Variants in AFF3 observed in about 807,000 individuals in gnomAD.
AFF3 encodes AF4/FMR2 family member 3.
In AFF3, 32 loss-of-function variants were observed where a neutral mutation model predicts 129.7. The ratio of observed to expected loss-of-function variants is 0.25; its 90% CI spans 0.19 to 0.33. AFF3 has a LOEUF of 0.33. AFF3 is among the 10% of genes least tolerant of loss of function. The probability of loss-of-function intolerance (pLI) is 1.00; values close to 1 mark genes in which losing one functional copy is unlikely to be tolerated. For missense variants in AFF3, 1,373 were observed against 1,592.0 expected (o/e 0.86, Z 2.34); for synonymous variants, 644 against 635.4 (o/e 1.01, Z -0.20).
intron 1 of AFF3, among the ~76,000 whole-genome samples, chr2:100,141,074 T>C (rs1046940016): frequency 5.9e-5 from 9 of 152,226 alleles, no homozygotes; most frequent in African/African-American, 2.2e-4. Context: ...ACTTTACATG[T>C]ATTAGCTTAT....
At chr2:99,882,363 A>C (rs367619512) in intron 7 of AFF3, among the ~76,000 whole-genome samples, 41 of 152,330 alleles carry the variant, frequency 2.7e-4, no homozygotes, top group African/African-American at 9.9e-4. Flanking sequence ...TTATGAGGTC[A>C]AATGTTGCAG....
Position 100,093,072 on chromosome 2 carries a change from G to A in AFF3, c.53+11330C>T, listed in dbSNP as rs535520929. Among the ~76,000 whole-genome samples, 9 of 152,334 alleles carry A rather than the reference G, an allele frequency of 5.9e-5. No homozygotes were observed. In the East Asian group the frequency reaches 7.7e-4, roughly 13 times the overall value. ...GCCCTCTATACTGTAGACGGATTGC[G>A]TTACATTATTATATATTTTAGGGCT... On this transcript the variant is annotated intron_variant, in intron 4 of 24. Transcript: ENST00000672756.
intron 10 of AFF3, among the ~76,000 whole-genome samples, chr2:99,729,594 G>T (rs72817071): frequency 0.016 from 2,461 of 152,192 alleles, 33 homozygotes; most frequent in Non-Finnish European, 0.024. Context: ...GAAATTTTAG[G>T]TGATGAAATT....
At chr2:99,921,780 C>T (rs376199820) in intron 7 of AFF3, among the ~76,000 whole-genome samples, 33 of 152,066 alleles carry the variant, frequency 2.2e-4, no homozygotes, top group East Asian at 2.1e-3. Context: ...AAGTAAGCCA[C>T]GAAATGAGAG....
At chr2:99,698,544 C>G (rs1317442074) in intron 11 of AFF3, among the ~76,000 whole-genome samples, 2 of 152,206 alleles carry the variant, frequency 1.3e-5, no homozygotes, top group East Asian at 1.9e-4. Flanking sequence ...GATATTGAGA[C>G]AGTGGAACAC....
In AFF3 at chr2:99,910,001, T is replaced by C. The variant is rs528416880; in HGVS notation, c.874-72477A>G. Among the ~76,000 whole-genome samples, 6 of 152,162 alleles carry C rather than the reference T, an allele frequency of 3.9e-5. No homozygotes were observed. The East Asian group carries it at 1.2e-3, about 29-fold the overall frequency. ...TTTGGAGATAGGGTCTTTACAGAGG[T>C]AATAAAGTTAAAAAGAGCTAAAAAT... is the stretch of plus-strand genomic sequence containing the variant. On this transcript the variant is annotated intron_variant, in intron 7 of 24. Transcript: ENST00000672756.
intron 7 of AFF3, among the ~76,000 whole-genome samples, chr2:99,899,812 T>C (rs1005302781): frequency 6.6e-6 from 1 of 152,164 alleles, no homozygotes; most frequent in Non-Finnish European, 1.5e-5. Context: ...GCAAAGGAAA[T>C]AACATTTGTT....
chr2:99,734,053 T>C (rs1007226936), intron 10 of AFF3, among the ~76,000 whole-genome samples: 2 of 152,218 alleles, frequency 1.3e-5, no homozygotes, highest in African/African-American at 4.8e-5. Flanking sequence ...TTCCAATTCA[T>C]GTACTTGGTA....
At chr2:100,058,391 G>C (rs1459385512) in intron 4 of AFF3, among the ~76,000 whole-genome samples, 1 of 151,630 alleles carries the variant, frequency 6.6e-6, no homozygotes, top group Non-Finnish European at 1.5e-5. Context: ...AAAATAAAAG[G>C]ACATCATGAA....
chr2:99,910,507 A>T (rs1301818406), intron 7 of AFF3, among the ~76,000 whole-genome samples: 1 of 152,222 alleles, frequency 6.6e-6, no homozygotes, highest in Non-Finnish European at 1.5e-5. Flanking sequence ...AAACTTCTAG[A>T]TGAAAACTGC....
At chr2:99,565,367 G>T in intron 20 of AFF3, 120 bp downstream of exon 20, 2 of 1,403,050 alleles carry the variant, frequency 1.4e-6, no homozygotes, top group Non-Finnish European at 1.9e-6. Context: ...TTATTTTGGG[G>T]GGATGAACAC....
At chr2:99,557,602 A>G (rs1675061245) in intron 22 of AFF3, among the ~76,000 whole-genome samples, 2 of 152,228 alleles carry the variant, frequency 1.3e-5, no homozygotes, top group Non-Finnish European at 2.9e-5. Context: ...TTAGTAGTAG[A>G]TCTTACGTTC....
chr2:99,817,686 C>T (rs1043830537), intron 8 of AFF3, among the ~76,000 whole-genome samples: 31 of 152,156 alleles, frequency 2.0e-4, no homozygotes, highest in Non-Finnish European at 4.0e-4. Flanking sequence ...GGTGCCCAGC[C>T]TGTTGCTGTT....
intron 7 of AFF3, among the ~76,000 whole-genome samples, chr2:100,000,089 C>G (rs1010819548): frequency 6.6e-6 from 1 of 152,174 alleles, no homozygotes; most frequent in Non-Finnish European, 1.5e-5. Context: ...GCTGGTTAAT[C>G]ATGTGGAGAT....
intron 15 of AFF3, among the ~76,000 whole-genome samples, chr2:99,592,736 C>T (rs1483313042): frequency 6.6e-6 from 1 of 152,054 alleles, no homozygotes; most frequent in South Asian, 2.1e-4. Context: ...GAGTTCGAGA[C>T]CAGCCCGGCC....
At chr2:99,903,554 A>C (rs1324619472) in intron 7 of AFF3, among the ~76,000 whole-genome samples, 1 of 152,210 alleles carries the variant, frequency 6.6e-6, no homozygotes, top group Non-Finnish European at 1.5e-5. Context: ...TTGGAATATC[A>C]ATAATAAACT....
chr2:99,950,053 CAAAG>C, intron 7 of AFF3, among the ~76,000 whole-genome samples: 1 of 152,276 alleles, frequency 6.6e-6, no homozygotes, highest in Admixed American at 6.5e-5. Context: ...CTAGCCACAA[CAAAG>C]GAATTCTAAA....
intron 11 of AFF3, among the ~76,000 whole-genome samples, chr2:99,684,757 C>T (rs1292555377): frequency 6.6e-6 from 1 of 151,832 alleles, no homozygotes; most frequent in Non-Finnish European, 1.5e-5. Flanking sequence ...GATTACAGGC[C>T]TGAGCCACCG....
intron 4 of AFF3, among the ~76,000 whole-genome samples, chr2:100,040,588 G>A (rs1003699176): frequency 3.9e-5 from 6 of 152,188 alleles, no homozygotes; most frequent in Admixed American, 1.3e-4. Flanking sequence ...GATGAGAGCA[G>A]GATGTTGAAG....
Sources: gnomAD v4.1 joint callset for allele counts (sites outside exome capture counted in the v4.1 genomes callset) on GRCh38, gnomAD v4.1.1 for gene constraint, MANE v1.5 for transcripts, NCBI Gene and HGNC (gene_info 2026-07-23, HGNC 2026-07-21) for gene names.